The following PRKCB variants were observed in gnomAD, a reference collection of about 807,000 sequenced individuals.
PRKCB encodes the protein protein kinase C beta type.
PRKCB carries 13 observed loss-of-function variants against 81.5 expected under a neutral mutation model. That is an observed-to-expected ratio of 0.16 (90% CI 0.10 to 0.25). The LOEUF is 0.25. Ranked by LOEUF, PRKCB falls within the 10% of genes least tolerant of loss-of-function variation. The probability of loss-of-function intolerance (pLI) is 1.00; values close to 1 mark genes in which losing one functional copy is unlikely to be tolerated. For missense variants in PRKCB, 509 were observed against 875.7 expected (o/e 0.58, Z 5.29); for synonymous variants, 335 against 321.4 (o/e 1.04, Z -0.45).
At chr16:24,145,872 T>C (rs562640527) in intron 9 of PRKCB, among the ~76,000 whole-genome samples, 25 of 152,348 alleles carry the variant, frequency 1.6e-4, no homozygotes, top group Admixed American at 2.6e-4. Context: ...ATGGGTAGAA[T>C]TGTGTCCTCG....
chr16:24,110,281 G>A (rs1362568213), intron 7 of PRKCB, among the ~76,000 whole-genome samples: 1 of 149,630 alleles, frequency 6.7e-6, no homozygotes, highest in African/African-American at 2.5e-5. Flanking sequence ...GAGCAATCTC[G>A]GTTCACTGCA....
chr16:23,854,977 A>G (rs971578506), intron 2 of PRKCB, among the ~76,000 whole-genome samples: 1 of 152,288 alleles, frequency 6.6e-6, no homozygotes, highest in African/African-American at 2.4e-5. Flanking sequence ...TATGCAAAGG[A>G]TACGGCCAGG....
At position 24,113,172 on chromosome 16, in the gene PRKCB, T is replaced by G. The variant is rs890533013; in HGVS notation, c.918+103T>G. 12 of 787,466 alleles carry G rather than the reference T, an allele frequency of 1.5e-5. 1 individual carries two copies. The highest frequency in any genetic ancestry group is 2.3e-5 in the Non-Finnish European group (12 of 515,126). The allele number at this position is 787,466 out of a possible 1,614,324, so 48.8% of individuals were successfully genotyped here. Reference sequence around the variant, plus strand: ...CTTTCTCTTTCTCTCTTATTCTTTTTTCTCTCCTTCCTTACTTCCTTCTTC... The same window carrying G: ...CTTTCTCTTTCTCTCTTATTCTTTTGTCTCTCCTTCCTTACTTCCTTCTTC... On this transcript the variant is annotated intron_variant, in intron 8 of 16. Coordinates refer to ENST00000643927, the MANE Select transcript of PRKCB (RefSeq NM_002738.7).
chr16:24,130,395 C>T (rs546706433), intron 9 of PRKCB, among the ~76,000 whole-genome samples: 27 of 152,122 alleles, frequency 1.8e-4, no homozygotes, highest in Admixed American at 3.9e-4. Flanking sequence ...AGCTAAAGGA[C>T]GAGTTAAGTT....
intron 7 of PRKCB, chr16:24,099,463 A>C (rs889668572): frequency 1.3e-5 from 2 of 152,244 alleles, no homozygotes; most frequent in African/African-American, 4.8e-5. Context: ...GCTTTGAATA[A>C]GTGGTCCTGA....
At chr16:23,845,047 C>G (rs1567287531) in intron 2 of PRKCB, among the ~76,000 whole-genome samples, 1 of 152,156 alleles carries the variant, frequency 6.6e-6, no homozygotes, top group Non-Finnish European at 1.5e-5. Context: ...AGTGATCTGC[C>G]CACCTCAACC....
chr16:24,164,304 C>T (rs555760124), intron 10 of PRKCB, among the ~76,000 whole-genome samples: 1 of 152,254 alleles, frequency 6.6e-6, no homozygotes, highest in Admixed American at 6.5e-5. Flanking sequence ...TATCCTCATA[C>T]TCATGTTCCA....
At chr16:23,981,719 TCCCC>T in intron 2 of PRKCB, among the ~76,000 whole-genome samples, 1 of 73,932 alleles carries the variant, frequency 1.4e-5, no homozygotes, top group East Asian at 4.8e-4. Context: ...CCCTTTCCCT[TCCCC>T]TTCCCTTCCC....
intron 7 of PRKCB, chr16:24,111,137 G>A (rs1217174072): frequency 1.3e-5 from 2 of 152,128 alleles, no homozygotes; most frequent in Non-Finnish European, 2.9e-5. Flanking sequence ...AGATACAGAT[G>A]CTCTCTTGTT....
intron 5 of PRKCB, among the ~76,000 whole-genome samples, chr16:24,057,889 A>G (rs1406780003): frequency 2.6e-5 from 4 of 152,172 alleles, no homozygotes; most frequent in Non-Finnish European, 4.4e-5. Flanking sequence ...ACCCAGCCAC[A>G]GGAATCTTTC....
intron 8 of PRKCB, among the ~76,000 whole-genome samples, chr16:24,117,913 A>G (rs1966753699): frequency 6.6e-6 from 1 of 152,232 alleles, no homozygotes; most frequent in Non-Finnish European, 1.5e-5. Context: ...TTGCAGGCTA[A>G]GGGCTGCTCC....
At chr16:23,875,502 TATATG>T (rs749612450) in intron 2 of PRKCB, among the ~76,000 whole-genome samples, 6,127 of 21,842 alleles carry the variant, frequency 0.28, 700 homozygotes, top group African/African-American at 0.42. Flanking sequence ...TATATATATA[TATATG>T]ATGTATATCA....
chr16:23,994,297 A>T (rs1211494976), intron 3 of PRKCB, among the ~76,000 whole-genome samples: 2 of 152,206 alleles, frequency 1.3e-5, no homozygotes, highest in South Asian at 2.1e-4. Flanking sequence ...CAGTGGATCC[A>T]GTGAGTCCCC....
chr16:23,877,656 G>A (rs1016976744), intron 2 of PRKCB, among the ~76,000 whole-genome samples: 1 of 152,278 alleles, frequency 6.6e-6, no homozygotes, highest in East Asian at 1.9e-4. Flanking sequence ...TAGTTGTTCT[G>A]TGTGAGTCCC....
At chr16:23,985,546 A>G (rs1337743033) in intron 2 of PRKCB, among the ~76,000 whole-genome samples, 2 of 152,248 alleles carry the variant, frequency 1.3e-5, no homozygotes, top group Non-Finnish European at 2.9e-5. Context: ...CAACAAGGGG[A>G]CAATCATTTC....
intron 5 of PRKCB, among the ~76,000 whole-genome samples, chr16:24,083,483 A>G (rs899870263): frequency 6.6e-6 from 1 of 152,242 alleles, no homozygotes; most frequent in Non-Finnish European, 1.5e-5. Flanking sequence ...ATGCAATAAA[A>G]TACTACTCTG....
At chr16:23,868,048 T>G (rs1259752201) in intron 2 of PRKCB, among the ~76,000 whole-genome samples, 1 of 152,132 alleles carries the variant, frequency 6.6e-6, no homozygotes, top group Non-Finnish European at 1.5e-5. Context: ...CGGATTTGTT[T>G]TCTGAAGATC....
rs1332594118 is a variant in PRKCB, at chr16:23,977,470, C to T, written c.206-11038C>T. ...TCATTTTAAAAGCTCCCTGGTGACT[C>T]CTGGGGAGCCAGGACTGAGAACTAG... On this transcript the variant is annotated intron_variant, in intron 2 of 16. Transcript: ENST00000643927. Among the ~76,000 whole-genome samples the T allele has an allele frequency of 2.6e-5, 4 of 152,260 alleles. No individual in the cohort carries two copies. In the East Asian group the frequency reaches 5.8e-4, roughly 22 times the overall value.
At chr16:24,112,683 G>A (rs1008078509) in intron 7 of PRKCB, among the ~76,000 whole-genome samples, 1 of 152,172 alleles carries the variant, frequency 6.6e-6, no homozygotes, top group Non-Finnish European at 1.5e-5. Flanking sequence ...AGAAAACTGT[G>A]TAAGTGTGTA....
Sources: gnomAD v4.1 joint callset for allele counts (sites outside exome capture counted in the v4.1 genomes callset) on GRCh38, gnomAD v4.1.1 for gene constraint, MANE v1.5 for transcripts, NCBI Gene and HGNC (gene_info 2026-07-23, HGNC 2026-07-21) for gene names.